Variants in GRM1 observed in about 807,000 individuals in gnomAD.
The protein encoded by GRM1 is glutamate metabotropic receptor 1.
A neutral mutation model predicts 90.9 loss-of-function variants in GRM1; 33 were observed. The ratio of observed to expected loss-of-function variants is 0.36; its 90% CI spans 0.28 to 0.49. GRM1 has a LOEUF of 0.49. Among genes scored for constraint, GRM1 ranks in the 20% least tolerant of loss-of-function variants. The pLI is 0.99. For missense variants in GRM1, 1,190 were observed against 1,534.3 expected, an observed-to-expected ratio of 0.78 and a Z score of 3.75; for synonymous variants, 700 against 613.2, an observed-to-expected ratio of 1.14 and a Z score of -2.09.
At chr6:146,266,668 A>C (rs1781898189) in intron 2 of GRM1, among the ~76,000 whole-genome samples, 3 of 152,174 alleles carry the variant, frequency 2.0e-5, no homozygotes, top group African/African-American at 7.2e-5. Flanking sequence ...TCTCTTTGTA[A>C]CTTGTTCAAA....
chr6:146,353,102 A>G (rs1458563596), intron 4 of GRM1, among the ~76,000 whole-genome samples: 1 of 152,242 alleles, frequency 6.6e-6, no homozygotes, highest in Non-Finnish European at 1.5e-5. Flanking sequence ...CAAGGTATAT[A>G]CATAAAATCC....
intron 3 of GRM1, among the ~76,000 whole-genome samples, chr6:146,333,541 G>A (rs1306324538): frequency 6.6e-6 from 1 of 152,096 alleles, no homozygotes; most frequent in Non-Finnish European, 1.5e-5. Context: ...CAAGTGAACG[G>A]TGGCAGAGAA....
intron 3 of GRM1, among the ~76,000 whole-genome samples, chr6:146,348,248 T>C (rs1364570317): frequency 6.6e-6 from 1 of 152,340 alleles, no homozygotes; most frequent in Non-Finnish European, 1.5e-5. Context: ...ATTCTCTATT[T>C]ACTAGCCATG....
At chr6:146,043,802 T>TATATATAGATATAG (rs1162938829) in intron 1 of GRM1, among the ~76,000 whole-genome samples, 36 of 142,892 alleles carry the variant, frequency 2.5e-4, no homozygotes, top group Non-Finnish European at 4.7e-4. Context: ...TATATATATA[T>TATATATAGATATAG]ATATATATAA....
At chr6:146,166,897 A>G (rs887396260) in intron 2 of GRM1, among the ~76,000 whole-genome samples, 2 of 152,096 alleles carry the variant, frequency 1.3e-5, no homozygotes, top group African/African-American at 4.8e-5. Context: ...TGGGGAAGGG[A>G]CTTAGTAATT....
intron 5 of GRM1, among the ~76,000 whole-genome samples, chr6:146,360,358 A>G (rs1775422222): frequency 6.6e-6 from 1 of 152,108 alleles, no homozygotes; most frequent in African/African-American, 2.4e-5. Context: ...ATGGAAGAAG[A>G]GAAAAATTTT....
chr6:146,139,995 C>T (rs1217498276), intron 1 of GRM1, among the ~76,000 whole-genome samples: 11 of 133,524 alleles, frequency 8.2e-5, no homozygotes, highest in African/African-American at 1.4e-4. Context: ...CGCTTCCCTC[C>T]GCTTCCCTCC....
At chr6:146,358,418 T>C (rs1785673653) in intron 5 of GRM1, among the ~76,000 whole-genome samples, 1 of 152,074 alleles carries the variant, frequency 6.6e-6, no homozygotes, top group African/African-American at 2.4e-5. Flanking sequence ...AAATGGAGCA[T>C]AGGGGAGGGA....
chr6:146,213,043 A>C (rs538060162), intron 2 of GRM1, among the ~76,000 whole-genome samples: 1 of 152,036 alleles, frequency 6.6e-6, no homozygotes, highest in Admixed American at 6.5e-5. Context: ...TAATTGGTAT[A>C]ATAAGGGAAG....
At chr6:146,094,380 T>G (rs1481473657) in intron 1 of GRM1, among the ~76,000 whole-genome samples, 1 of 152,106 alleles carries the variant, frequency 6.6e-6, no homozygotes, top group Non-Finnish European at 1.5e-5. Context: ...CATTACTACA[T>G]TAACATGGAA....
At chr6:146,082,802 A>G (rs771198378) in intron 1 of GRM1, among the ~76,000 whole-genome samples, 2 of 152,172 alleles carry the variant, frequency 1.3e-5, no homozygotes, top group African/African-American at 2.4e-5. Context: ...TGGGAATAGC[A>G]TTGAATCTAT....
At chr6:146,244,891 T>G (rs1338868568) in intron 2 of GRM1, among the ~76,000 whole-genome samples, 1 of 152,192 alleles carries the variant, frequency 6.6e-6, no homozygotes, top group Non-Finnish European at 1.5e-5. Context: ...AGCAAACCTT[T>G]GGGTAGTTCT....
chr6:146,321,756 G>A (rs999269413), intron 3 of GRM1, among the ~76,000 whole-genome samples: 1 of 152,034 alleles, frequency 6.6e-6, no homozygotes, highest in African/African-American at 2.4e-5. Context: ...TTGGTTTAAA[G>A]TCTGTTTTAT....
intron 1 of GRM1, among the ~76,000 whole-genome samples, chr6:146,034,907 G>A (rs75359228): frequency 0.035 from 5,390 of 151,892 alleles, 320 homozygotes; most frequent in African/African-American, 0.12. Flanking sequence ...ACTTAATTTC[G>A]GTTACTAAGT....
chr6:146,263,872 A>C (rs369769929), intron 2 of GRM1, among the ~76,000 whole-genome samples: 1 of 152,254 alleles, frequency 6.6e-6, no homozygotes, highest in East Asian at 1.9e-4. Flanking sequence ...TTTTTGCTGT[A>C]ATGACATTAA....
intron 2 of GRM1, among the ~76,000 whole-genome samples, chr6:146,177,410 G>A (rs1778374535): frequency 6.6e-6 from 1 of 151,970 alleles, no homozygotes; most frequent in Non-Finnish European, 1.5e-5. Context: ...CTTTCCTCTA[G>A]GATATTATTA....
At chr6:146,130,879 A>T (rs1461235871) in intron 1 of GRM1, among the ~76,000 whole-genome samples, 1 of 152,170 alleles carries the variant, frequency 6.6e-6, no homozygotes, top group Non-Finnish European at 1.5e-5. Context: ...TACCATCATG[A>T]GTCTTCAACC....
chr6:146,332,930 G>A (rs950041793), intron 3 of GRM1, among the ~76,000 whole-genome samples: 4 of 152,040 alleles, frequency 2.6e-5, no homozygotes, highest in South Asian at 2.1e-4. Flanking sequence ...ACACTTATTC[G>A]TTATCATGGA....
At chr6:146,235,571 GTTT>G (rs1780614106) in intron 2 of GRM1, among the ~76,000 whole-genome samples, 1 of 151,586 alleles carries the variant, frequency 6.6e-6, no homozygotes, top group South Asian at 2.1e-4. Context: ...TGAATATTCT[GTTT>G]TTTTCTTCCT....
Sources: gnomAD v4.1 joint callset for allele counts (sites outside exome capture counted in the v4.1 genomes callset) on GRCh38, gnomAD v4.1.1 for gene constraint, MANE v1.5 for transcripts, NCBI Gene and HGNC (gene_info 2026-07-23, HGNC 2026-07-21) for gene names.